Variants in GALK1 observed in about 807,000 individuals in gnomAD.
The protein encoded by GALK1 is galactokinase 1, also known as galactokinase.
In GALK1, 30 loss-of-function variants were observed where a neutral mutation model predicts 38.6. The observed-to-expected ratio is 0.78, with a 90% confidence interval of 0.58 to 1.05. The LOEUF is 1.05. Ranked by LOEUF, GALK1 falls within the 50% of genes least tolerant of loss-of-function variation. The pLI is 0.00. For missense variants in GALK1, 512 were observed against 540.5 expected, an observed-to-expected ratio of 0.95 and a Z score of 0.52; for synonymous variants, 240 against 233.6, an observed-to-expected ratio of 1.03 and a Z score of -0.25.
intron 1 of GALK1, chr17:75,764,682 T>G: frequency 1.8e-6 from 1 of 567,952 alleles, no homozygotes; most frequent in Non-Finnish European, 3.2e-6. Context: ...GGCCTCACAG[T>G]TTAAGGGGAA....
At chr17:75,764,250 G>A in intron 1 of GALK1, 164 bp from the exon 2 acceptor site, 1 of 799,506 alleles carries the variant, frequency 1.3e-6, no homozygotes, top group South Asian at 1.3e-5. Context: ...GACCTTGGGG[G>A]CTTGAGCCCT....
At chr17:75,755,880 G>A (rs773930690), downstream of GALK1, 5 of 1,593,488 alleles carry the variant, frequency 3.1e-6, no homozygotes, top group South Asian at 1.1e-5. Context: ...AGGCTGCGGG[G>A]TGCAGCCCTG....
chr17:75,753,729 C>T (rs753409245), downstream of GALK1: 47 of 1,350,240 alleles, frequency 3.5e-5, no homozygotes, highest in Non-Finnish European at 4.3e-5. Flanking sequence ...CCGGCGCCCC[C>T]CGGCGGTGCC....
chr17:75,755,850 G>C, downstream of GALK1: 2 of 1,601,994 alleles, frequency 1.2e-6, no homozygotes, highest in Non-Finnish European at 1.7e-6. Flanking sequence ...GCTGAACGGC[G>C]GTGAGGCATG....
chr17:75,761,044 A>G (rs2143597392), intron 5 of GALK1, among the ~76,000 whole-genome samples: 1 of 151,922 alleles, frequency 6.6e-6, no homozygotes, highest in South Asian at 2.1e-4. Flanking sequence ...TCTACTAAAA[A>G]TACAAAAATT....
downstream of GALK1, chr17:75,755,194 A>T (rs1337085802): frequency 1.2e-6 from 2 of 1,604,910 alleles, no homozygotes; most frequent in East Asian, 4.5e-5. Context: ...GGAGGCCAGC[A>T]GCGCCCTCCT....
At chr17:75,752,419 G>T in intron 8 of GALK1, 2 of 1,612,912 alleles carry the variant, frequency 1.2e-6, no homozygotes, top group Non-Finnish European at 1.7e-6. Flanking sequence ...AGCAGCCAGG[G>T]CCCTGGCTCA....
rs780140518 is a variant in GALK1 at position 75,763,445 on chromosome 17, G to A, written c.356-6C>T. 6.3e-7 allele frequency: 1 copy of A among 1,587,824 alleles called. No individual in the cohort carries two copies. Among genetic ancestry groups the A allele is most frequent in the Non-Finnish European group, 8.6e-7 (1 of 1,167,598 alleles). On this transcript the variant is annotated splice_region_variant and splice_polypyrimidine_tract_variant and intron_variant, in intron 2 of 7. Transcript: ENST00000588479. Reference sequence around the variant, plus strand: ...GAAGCCAGGGAGGGGGGCAGCTGCAGGGGAAAGAACAGGTGATGGTAAGAG... The same window carrying A: ...GAAGCCAGGGAGGGGGGCAGCTGCAAGGGAAAGAACAGGTGATGGTAAGAG...
At chr17:75,757,319 T>C (rs2061540207), downstream of GALK1, 1 of 1,612,004 alleles carries the variant, frequency 6.2e-7, no homozygotes, top group South Asian at 1.1e-5. Flanking sequence ...GGGTGAGCAC[T>C]GAGGGCTAGG....
At chr17:75,755,823 A>G (rs767255114), downstream of GALK1, 2 of 1,607,526 alleles carry the variant, frequency 1.2e-6, no homozygotes, top group East Asian at 2.2e-5. Context: ...GCAGGGCTAC[A>G]GTGTGGAGTA....
downstream of GALK1, chr17:75,756,346 G>C (rs1440611067): frequency 1.3e-6 from 2 of 1,512,086 alleles, no homozygotes; most frequent in African/African-American, 1.4e-5. Flanking sequence ...ACTAGGTCTC[G>C]ATGGCAGCTT....
At chr17:75,764,253 T>C (rs1229414010) in intron 1 of GALK1, 167 bp from the exon 2 acceptor site, 1 of 791,982 alleles carries the variant, frequency 1.3e-6, no homozygotes, top group Non-Finnish European at 2.3e-6. Flanking sequence ...CTTGGGGGCT[T>C]GAGCCCTGCC....
chr17:75,757,274 A>G (rs2061538436), downstream of GALK1: 1 of 1,609,868 alleles, frequency 6.2e-7, no homozygotes. Context: ...CAGCATCACC[A>G]CCACCCACAC....
downstream of GALK1, chr17:75,755,729 C>T (rs1599318673): frequency 6.2e-7 from 1 of 1,612,948 alleles, no homozygotes; most frequent in East Asian, 2.2e-5. Flanking sequence ...GTGTGCCCGA[C>T]ACGCCCACCC....
At chr17:75,752,381 G>A in intron 8 of GALK1, 1 of 1,612,588 alleles carries the variant, frequency 6.2e-7, no homozygotes, top group African/African-American at 1.3e-5. Context: ...GGGAGGTGAG[G>A]GGCAGACCGG....
At chr17:75,753,004 A>G (rs1162770853), downstream of GALK1, among the ~76,000 whole-genome samples, 2 of 152,242 alleles carry the variant, frequency 1.3e-5, no homozygotes, top group Non-Finnish European at 2.9e-5. Context: ...TTCCCAGCAC[A>G]AAGTGCTGCG....
chr17:75,763,440 C>A lies in GALK1; in HGVS notation c.356-1G>T. The A allele has an allele frequency of 6.3e-7, 1 of 1,592,764 alleles. No homozygotes were observed. ...GCACTGAAGCCAGGGAGGGGGGCAG[C>A]TGCAGGGGAAAGAACAGGTGATGGT... On this transcript the variant is annotated splice_acceptor_variant, in intron 2 of 7. Coordinates refer to ENST00000588479, the MANE Select transcript of GALK1 (RefSeq NM_000154.2). LOFTEE classifies it high-confidence loss of function.
At chr17:75,753,860 GC>G, downstream of GALK1, 1 of 1,373,026 alleles carries the variant, frequency 7.3e-7, no homozygotes. Flanking sequence ...GCGCCTGTCG[GC>G]CAGCAGCGGG....
At chr17:75,758,634 C>T in intron 5 of GALK1, 35 bp from the exon 6 acceptor site, 1 of 1,564,634 alleles carries the variant, frequency 6.4e-7, no homozygotes, top group Middle Eastern at 2.2e-4. Flanking sequence ...GCCGCCTTCT[C>T]ACTGCCTGGG....
Sources: allele counts gnomAD v4.1 joint callset (sites outside exome capture counted in the v4.1 genomes callset), GRCh38; gene constraint gnomAD v4.1.1; transcripts MANE v1.5; gene names NCBI Gene and HGNC (gene_info 2026-07-23, HGNC 2026-07-21).